SHISA9: variants seen among roughly 807,000 people sequenced by gnomAD.
SHISA9 encodes the protein shisa family member 9, also known as protein shisa-9.
Under a neutral mutation model 38.0 loss-of-function variants are expected in SHISA9, and 13 were observed. The observed-to-expected ratio is 0.34, with a 90% CI of 0.22 to 0.54. The LOEUF (loss-of-function observed/expected upper bound fraction) is 0.54, where lower values mean the gene tolerates loss of function less well. Ranked by LOEUF, SHISA9 falls within the 20% of genes least tolerant of loss-of-function variation. SHISA9 has a pLI of 0.91. For missense variants in SHISA9, 538 were observed against 575.8 expected (o/e 0.93, Z 0.67); for synonymous variants, 275 against 242.0 (o/e 1.14, Z -1.27).
rs1047236812 is a variant in SHISA9 at position 13,056,587 on chromosome 16, C to G, written c.691+139772C>G. Reference sequence around the variant, plus strand: ...ATTTATTGGGTAATAAATAGCATGACTCTGGGCCAGATTGTCTGAGTTCAG... The same window carrying G: ...ATTTATTGGGTAATAAATAGCATGAGTCTGGGCCAGATTGTCTGAGTTCAG... On this transcript the variant is annotated intron_variant, in intron 2 of 4. Coordinates refer to ENST00000558583, the MANE Select transcript of SHISA9 (RefSeq NM_001145204.3). Among the ~76,000 whole-genome samples the G allele has an allele frequency of 2.6e-5, 4 of 152,296 alleles. No individual in the cohort carries two copies. The East Asian group carries it at 7.7e-4, about 29-fold the overall frequency.
the SHISA9 span, among the ~76,000 whole-genome samples, chr16:13,425,180 A>G: frequency 6.6e-6 from 1 of 152,224 alleles, no homozygotes; most frequent in Non-Finnish European, 1.5e-5. Context: ...AGATGGAAAC[A>G]ATAGACATTG....
At chr16:13,114,381 G>A (rs1031228751) in intron 2 of SHISA9, among the ~76,000 whole-genome samples, 5 of 148,404 alleles carry the variant, frequency 3.4e-5, no homozygotes, top group African/African-American at 1.3e-4. Context: ...CAGCAGAATT[G>A]CTTGAACCCA....
chr16:13,190,015 C>A (rs2050867491), intron 2 of SHISA9, among the ~76,000 whole-genome samples: 1 of 151,558 alleles, frequency 6.6e-6, no homozygotes, highest in Non-Finnish European at 1.5e-5. Context: ...GGGCAAACAT[C>A]TCCTGTTAAT....
intron 2 of SHISA9, among the ~76,000 whole-genome samples, chr16:13,125,305 A>G (rs1356030035): frequency 6.6e-6 from 1 of 152,192 alleles, no homozygotes; most frequent in Non-Finnish European, 1.5e-5. Flanking sequence ...AATGGGCAAA[A>G]TATTTGAATA....
At chr16:13,188,238 T>C (rs1246892169) in intron 2 of SHISA9, among the ~76,000 whole-genome samples, 1 of 152,208 alleles carries the variant, frequency 6.6e-6, no homozygotes, top group African/African-American at 2.4e-5. Flanking sequence ...AGCTCATGCA[T>C]TTTTCTTGGA....
chr16:13,294,349 G>A, the SHISA9 span, among the ~76,000 whole-genome samples: 114 of 152,324 alleles, frequency 7.5e-4, no homozygotes, highest in Non-Finnish European at 1.2e-3. Context: ...GGAACTGTAT[G>A]TTAAAGTTAG....
In SHISA9 at chr16:13,022,335, A is replaced by ATTT. The variant is rs60728108; in HGVS notation, c.691+105530_691+105532dup. On this transcript the variant is annotated intron_variant, in intron 2 of 4. Coordinates refer to ENST00000558583, the MANE Select transcript of SHISA9 (RefSeq NM_001145204.3). ...TCTGGCTAATTTTTACATTAAAAAA[A>ATTT]TTTTTTTTTTTTCGAGACAGAGTTT... Among the ~76,000 whole-genome samples, 1,175 of 148,386 alleles carry ATTT rather than the reference A, an allele frequency of 7.9e-3. 12 individuals carry two copies. The highest frequency in any genetic ancestry group is 0.025 in the African/African-American group (1,033 of 40,536).
intron 2 of SHISA9, among the ~76,000 whole-genome samples, chr16:12,917,319 T>C (rs1254793506): frequency 1.3e-5 from 2 of 152,198 alleles, no homozygotes; most frequent in Non-Finnish European, 2.9e-5. Context: ...CGCTAGAGTT[T>C]CATAAAAATA....
intron 2 of SHISA9, among the ~76,000 whole-genome samples, chr16:12,938,180 A>G (rs996115127): frequency 6.6e-6 from 1 of 152,212 alleles, no homozygotes; most frequent in Non-Finnish European, 1.5e-5. Context: ...GAGAAGGGGA[A>G]GAATAAAGCT....
At chr16:13,076,535 T>C (rs993764681) in intron 2 of SHISA9, among the ~76,000 whole-genome samples, 5 of 151,992 alleles carry the variant, frequency 3.3e-5, no homozygotes, top group African/African-American at 1.2e-4. Context: ...ATTTTAGAGG[T>C]ATAGAACAAG....
intron 2 of SHISA9, among the ~76,000 whole-genome samples, chr16:13,128,321 G>T (rs1023000113): frequency 6.6e-6 from 1 of 152,086 alleles, no homozygotes; most frequent in Non-Finnish European, 1.5e-5. Flanking sequence ...ATTTAATTTC[G>T]CCCTTCTAAC....
intron 4 of SHISA9, 115 bp from the exon 5 acceptor site, chr16:13,234,913 TGG>T (rs1454609333): frequency 8.1e-7 from 1 of 1,242,206 alleles, no homozygotes; most frequent in Non-Finnish European, 1.1e-6. Context: ...TTTGGACTGT[TGG>T]CCCATTTTTA....
chr16:13,021,268 G>A (rs139937907), intron 2 of SHISA9, among the ~76,000 whole-genome samples: 7 of 152,282 alleles, frequency 4.6e-5, no homozygotes, highest in African/African-American at 1.4e-4. Context: ...CATCTAGTGA[G>A]TAAAGGCCAG....
intron 2 of SHISA9, among the ~76,000 whole-genome samples, chr16:12,971,275 T>C (rs777063091): frequency 6.6e-6 from 1 of 152,218 alleles, no homozygotes; most frequent in Non-Finnish European, 1.5e-5. Context: ...AGCTTGCCTG[T>C]TTCCTAGGGC....
chr16:13,293,696 A>C, the SHISA9 span, among the ~76,000 whole-genome samples: 1 of 152,140 alleles, frequency 6.6e-6, no homozygotes, highest in Admixed American at 6.6e-5. Context: ...ATTATATTCC[A>C]CCTGGACACC....
At chr16:13,266,368 A>G in the SHISA9 span, among the ~76,000 whole-genome samples, 35 of 152,174 alleles carry the variant, frequency 2.3e-4, no homozygotes, top group African/African-American at 8.2e-4. Flanking sequence ...TTATATGGGA[A>G]TAAATGCTTT....
chr16:13,226,617 T>C (rs1027988681), intron 4 of SHISA9, among the ~76,000 whole-genome samples: 2 of 152,208 alleles, frequency 1.3e-5, no homozygotes, highest in African/African-American at 4.8e-5. Flanking sequence ...TTGCTGAGCA[T>C]AGCAACCATT....
chr16:12,921,746 A>G (rs1480480350), intron 2 of SHISA9, among the ~76,000 whole-genome samples: 1 of 152,198 alleles, frequency 6.6e-6, no homozygotes, highest in African/African-American at 2.4e-5. Flanking sequence ...AGCCTAGGTG[A>G]CAGAATGAAA....
intron 2 of SHISA9, among the ~76,000 whole-genome samples, chr16:13,089,532 G>A (rs2073751271): frequency 6.6e-6 from 1 of 152,206 alleles, no homozygotes; most frequent in Admixed American, 6.5e-5. Context: ...AGTCTTGGGA[G>A]AGTGTATGTG....
Sources: allele counts gnomAD v4.1 joint callset (sites outside exome capture counted in the v4.1 genomes callset), GRCh38; gene constraint gnomAD v4.1.1; transcripts MANE v1.5; gene names NCBI Gene and HGNC (gene_info 2026-07-23, HGNC 2026-07-21).